The following IFT81 variants were observed in gnomAD, a reference collection of about 807,000 sequenced individuals.
IFT81 encodes the protein intraflagellar transport protein 81 homolog.
In IFT81, 72 loss-of-function variants were observed where a neutral mutation model predicts 102.6. That is an observed-to-expected ratio of 0.70 (90% CI 0.58 to 0.85). The LOEUF (loss-of-function observed/expected upper bound fraction) is 0.85. Among genes scored for constraint, IFT81 ranks in the 40% least tolerant of loss-of-function variants. The probability of loss-of-function intolerance (pLI) is 0.00; values close to 1 mark genes in which losing one functional copy is unlikely to be tolerated. For synonymous variants in IFT81, 237 were observed against 242.7 expected, an observed-to-expected ratio of 0.98 and a Z score of 0.22; for missense variants, 723 against 787.3, an observed-to-expected ratio of 0.92 and a Z score of 0.98.
intron 18 of IFT81, chr12:110,216,901 T>G: frequency 5.0e-6 from 1 of 201,210 alleles, no homozygotes; most frequent in East Asian, 1.7e-4. Context: ...CTGATCCTGT[T>G]GGTTTCTTGA....
chr12:110,197,714 T>A lies in IFT81; in HGVS notation c.1557+5008T>A, dbSNP rs180740586. Among the ~76,000 whole-genome samples, 551 of 152,050 alleles carry A rather than the reference T, an allele frequency of 3.6e-3. 6 individuals carry two copies. Among genetic ancestry groups the A allele is most frequent in the African/African-American group, 0.013 (535 of 41,506 alleles). On this transcript the variant is annotated intron_variant, in intron 14 of 18. Coordinates refer to ENST00000242591, the MANE Select transcript of IFT81 (RefSeq NM_014055.4). ...ATTTTTTTTATTTATTTGTTTGTTT[T>A]GTTTATTTATTTATTGAGATGGAGT... is the stretch of plus-strand genomic sequence containing the variant.
intron 18 of IFT81, chr12:110,216,712 G>A (rs1258385690): frequency 7.2e-6 from 3 of 416,308 alleles, no homozygotes; most frequent in African/African-American, 6.2e-5. Context: ...TTTTAGTACA[G>A]ATGGGATTTC....
At chr12:110,195,765 A>G (rs1433434383) in intron 14 of IFT81, among the ~76,000 whole-genome samples, 1 of 152,212 alleles carries the variant, frequency 6.6e-6, no homozygotes, top group Non-Finnish European at 1.5e-5. Context: ...GTCCTCCAAA[A>G]AGACTCATAA....
intron 10 of IFT81, among the ~76,000 whole-genome samples, chr12:110,159,819 G>A (rs1030633154): frequency 1.5e-4 from 23 of 152,204 alleles, no homozygotes; most frequent in African/African-American, 5.5e-4. Flanking sequence ...GCTGCACCAG[G>A]AACATGTGTT....
chr12:110,171,732 C>CT (rs1896741610), intron 11 of IFT81, among the ~76,000 whole-genome samples: 2 of 152,224 alleles, frequency 1.3e-5, no homozygotes, highest in South Asian at 2.1e-4. Flanking sequence ...AAGAGCAACT[C>CT]TGAGACCAGA....
chr12:110,217,013 C>T (rs1258720903), intron 18 of IFT81, among the ~76,000 whole-genome samples: 1 of 152,130 alleles, frequency 6.6e-6, no homozygotes, highest in Non-Finnish European at 1.5e-5. Flanking sequence ...TATAACTGTA[C>T]ATTCTTGAGT....
chr12:110,210,981 G>A (rs1466538137), intron 18 of IFT81, among the ~76,000 whole-genome samples: 3 of 143,210 alleles, frequency 2.1e-5, no homozygotes, highest in Admixed American at 1.4e-4. Flanking sequence ...TCAGCCTCCT[G>A]AATAGCTGGG....
chr12:110,139,094 A>C (rs1367223890), intron 8 of IFT81, among the ~76,000 whole-genome samples: 4 of 152,040 alleles, frequency 2.6e-5, no homozygotes, highest in South Asian at 4.1e-4. Flanking sequence ...CCAACATTTT[A>C]GGAGGCAAAG....
At chr12:110,130,381 T>C (rs887289408) in intron 4 of IFT81, among the ~76,000 whole-genome samples, 7 of 151,392 alleles carry the variant, frequency 4.6e-5, no homozygotes, top group Non-Finnish European at 8.8e-5. Flanking sequence ...TTTTTTTTTT[T>C]CCGAGACAGA....
intron 11 of IFT81, among the ~76,000 whole-genome samples, chr12:110,171,010 T>A (rs1896701374): frequency 6.6e-6 from 1 of 152,226 alleles, no homozygotes; most frequent in Non-Finnish European, 1.5e-5. Context: ...AATCAAATTT[T>A]GACACTTGTA....
chr12:110,162,199 AT>A (rs1205997690), intron 10 of IFT81, among the ~76,000 whole-genome samples: 1 of 151,920 alleles, frequency 6.6e-6, no homozygotes, highest in Non-Finnish European at 1.5e-5. Context: ...AGAAAAAAGC[AT>A]TTTTTTCTTC....
chr12:110,203,840 A>G, intron 14 of IFT81, 24 bp from the exon 15 acceptor site: 5 of 1,506,446 alleles, frequency 3.3e-6, no homozygotes, highest in Admixed American at 3.4e-5. Flanking sequence ...TCACTTATTC[A>G]ATCATTTTCC....
At chr12:110,216,519 AT>A (rs747093612) in intron 18 of IFT81, 7,159 of 338,690 alleles carry the variant, frequency 0.021, no homozygotes, top group Middle Eastern at 0.043. Context: ...ATTCACCTTA[AT>A]TTTTTTTTTT....
intron 8 of IFT81, among the ~76,000 whole-genome samples, chr12:110,142,843 C>T (rs1407258649): frequency 1.3e-5 from 2 of 152,174 alleles, no homozygotes; most frequent in Middle Eastern, 3.4e-3. Flanking sequence ...GTTTAGGTTG[C>T]AGTGAGCTGA....
chr12:110,192,554 C>T, intron 13 of IFT81, 63 bp from the exon 14 acceptor site: 1 of 810,328 alleles, frequency 1.2e-6, no homozygotes, highest in South Asian at 1.6e-5. Context: ...TATCTTTATG[C>T]ATGTAGTATT....
intron 3 of IFT81, among the ~76,000 whole-genome samples, chr12:110,128,600 G>GCC: frequency 6.6e-6 from 1 of 151,486 alleles, no homozygotes; most frequent in East Asian, 1.9e-4. Context: ...GACCAGCCAG[G>GCC]GCAACATGGC....
intron 9 of IFT81, among the ~76,000 whole-genome samples, chr12:110,144,301 C>T (rs374897828): frequency 6.6e-6 from 1 of 151,986 alleles, no homozygotes; most frequent in Non-Finnish European, 1.5e-5. Flanking sequence ...ACTACAACCT[C>T]CGCTTCCCGA....
intron 4 of IFT81, among the ~76,000 whole-genome samples, chr12:110,130,758 ATCTC>A (rs1272021830): frequency 6.6e-6 from 1 of 151,980 alleles, no homozygotes; most frequent in Non-Finnish European, 1.5e-5. Context: ...TCTGACAGGT[ATCTC>A]TCTCTATATA....
chr12:110,176,148 G>A (rs1438431267), intron 11 of IFT81, among the ~76,000 whole-genome samples: 1 of 151,782 alleles, frequency 6.6e-6, no homozygotes, highest in African/African-American at 2.4e-5. Flanking sequence ...GCATATCCTT[G>A]GCCATTCAGC....
Sources: gnomAD v4.1 joint callset for allele counts (sites outside exome capture counted in the v4.1 genomes callset) on GRCh38, gnomAD v4.1.1 for gene constraint, MANE v1.5 for transcripts, NCBI Gene and HGNC (gene_info 2026-07-23, HGNC 2026-07-21) for gene names.